MYO10: variants seen among roughly 807,000 people sequenced by gnomAD.
MYO10 encodes the protein unconventional myosin-X.
In MYO10, 133 loss-of-function variants were observed where a neutral mutation model predicts 257.3. That is an observed-to-expected ratio of 0.52 (90% CI 0.45 to 0.60). The LOEUF (loss-of-function observed/expected upper bound fraction) is 0.60, where lower values mean the gene tolerates loss of function less well. Among genes scored for constraint, MYO10 ranks in the 20% least tolerant of loss-of-function variants. MYO10 has a pLI of 0.00. For missense variants in MYO10, 2,399 were observed against 2,635.7 expected (o/e 0.91, Z 1.97); for synonymous variants, 1,104 against 1,028.6 (o/e 1.07, Z -1.40).
At chr5:16,741,786 A>G in intron 19 of MYO10, 1 of 984,614 alleles carries the variant, frequency 1.0e-6, no homozygotes, top group Non-Finnish European at 1.2e-6. Flanking sequence ...GCAGAACAAG[A>G]AAGAGAAAAA....
At chr5:16,714,680 G>A (rs1442812382) in intron 19 of MYO10, among the ~76,000 whole-genome samples, 3 of 152,124 alleles carry the variant, frequency 2.0e-5, no homozygotes, top group East Asian at 1.9e-4. Flanking sequence ...AAAATTAGCC[G>A]GGCGTGGTGG....
intron 19 of MYO10, chr5:16,713,548 C>A: frequency 1.1e-6 from 1 of 939,386 alleles, no homozygotes; most frequent in Non-Finnish European, 1.3e-6. Context: ...TTGACACAGC[C>A]AGGGGAGGGG....
In MYO10 at chr5:16,721,543, G is replaced by T. The variant is rs560206774; in HGVS notation, c.1930-10298C>A. On this transcript the variant is annotated intron_variant, in intron 19 of 40. Coordinates refer to ENST00000513610, the MANE Select transcript of MYO10 (RefSeq NM_012334.3). ...AAGAGGCAGAAACTAATTTCCCCTA[G>T]AGAAGAGGCAACCCCCGCAGGTGAG... is the stretch of plus-strand genomic sequence containing the variant. 7.2e-5 allele frequency among the ~76,000 whole-genome samples: 11 copies of T among 152,234 alleles called. No individual in the cohort carries two copies. In the East Asian group the frequency reaches 2.1e-3, roughly 29 times the overall value.
At chr5:16,725,341 G>A (rs563618486) in intron 19 of MYO10, among the ~76,000 whole-genome samples, 69 of 151,788 alleles carry the variant, frequency 4.5e-4, no homozygotes, top group African/African-American at 1.6e-3. Flanking sequence ...TGATCTGCCT[G>A]CCTCGCCCTC....
At chr5:16,738,111 A>G in intron 19 of MYO10, 2 of 983,832 alleles carry the variant, frequency 2.0e-6, no homozygotes, top group South Asian at 9.4e-5. Context: ...TTTGAGGTGG[A>G]AATACACAGG....
At chr5:16,835,278 G>A (rs1010115211) in intron 2 of MYO10, among the ~76,000 whole-genome samples, 2 of 151,970 alleles carry the variant, frequency 1.3e-5, no homozygotes, top group African/African-American at 4.8e-5. Context: ...GCTCATGCCT[G>A]TAATCCCAGC....
chr5:16,854,573 A>G (rs1417523320), intron 2 of MYO10, among the ~76,000 whole-genome samples: 1 of 148,590 alleles, frequency 6.7e-6, no homozygotes, highest in Admixed American at 6.7e-5. Flanking sequence ...TGGGAATGAC[A>G]GCTCAGGGTT....
At chr5:16,690,941 G>C (rs1338289905) in intron 27 of MYO10, among the ~76,000 whole-genome samples, 2 of 152,052 alleles carry the variant, frequency 1.3e-5, no homozygotes, top group Non-Finnish European at 2.9e-5. Flanking sequence ...GAAGGGTTTG[G>C]GGCATAAAGC....
At chr5:16,719,516 C>T (rs995163747) in intron 19 of MYO10, among the ~76,000 whole-genome samples, 2 of 152,176 alleles carry the variant, frequency 1.3e-5, no homozygotes, top group African/African-American at 4.8e-5. Context: ...TGTGACAACT[C>T]CTTGGGTGCT....
At chr5:16,934,877 G>A (rs1007165467) in intron 1 of MYO10, among the ~76,000 whole-genome samples, 1 of 152,192 alleles carries the variant, frequency 6.6e-6, no homozygotes, top group Non-Finnish European at 1.5e-5. Flanking sequence ...ACTCCAAAGC[G>A]GTTCTGCACT....
At chr5:16,812,925 TA>T (rs1265924054) in intron 3 of MYO10, among the ~76,000 whole-genome samples, 4 of 133,358 alleles carry the variant, frequency 3.0e-5, no homozygotes, top group Non-Finnish European at 6.1e-5. Flanking sequence ...TGGGTGCTTT[TA>T]TTTTTTTTTT....
At chr5:16,684,891 C>T (rs938514558) in intron 29 of MYO10, among the ~76,000 whole-genome samples, 1 of 151,930 alleles carries the variant, frequency 6.6e-6, no homozygotes, top group Non-Finnish European at 1.5e-5. Context: ...TACTAAAATA[C>T]AAAAAATTAG....
At chr5:16,670,393 T>G (rs1736389624) in intron 39 of MYO10, 133 bp downstream of exon 39, 7 of 691,078 alleles carry the variant, frequency 1.0e-5, no homozygotes, top group Non-Finnish European at 1.7e-5. Flanking sequence ...GGTACAATTC[T>G]GGGGGCTCGA....
rs773579008 is a variant in MYO10 at position 16,694,664 on chromosome 5, G to T, written c.3557-50C>A. The T allele has an allele frequency of 2.1e-5, 33 of 1,602,852 alleles. No individual in the cohort carries two copies. The East Asian group carries it at 6.7e-4, about 33-fold the overall frequency. ...GAGGGGTGAAAGAAAAGTCAGTCAA[G>T]TTGGATGACAACAACATGCATAGCA... On this transcript the variant is annotated intron_variant, in intron 26 of 40. Coordinates refer to ENST00000513610, the MANE Select transcript of MYO10 (RefSeq NM_012334.3).
chr5:16,675,334 CTG>C (rs1472989068), intron 34 of MYO10, among the ~76,000 whole-genome samples, 184 bp from the exon 35 acceptor site: 2 of 152,192 alleles, frequency 1.3e-5, no homozygotes, highest in Admixed American at 6.5e-5. Flanking sequence ...TAAGTTGACA[CTG>C]TTTTGTTATC....
At chr5:16,777,579 C>T (rs1741257205) in intron 9 of MYO10, among the ~76,000 whole-genome samples, 1 of 152,110 alleles carries the variant, frequency 6.6e-6, no homozygotes, top group African/African-American at 2.4e-5. Context: ...ATTACTGCAT[C>T]GCGGTTTAGA....
chr5:16,860,052 G>A (rs1744065247), intron 2 of MYO10, among the ~76,000 whole-genome samples: 1 of 152,216 alleles, frequency 6.6e-6, no homozygotes, highest in Admixed American at 6.5e-5. Flanking sequence ...TCAGGAAGCT[G>A]CTTTATCAGT....
chr5:16,806,443 G>A (rs1303035892), intron 3 of MYO10, among the ~76,000 whole-genome samples: 3 of 151,538 alleles, frequency 2.0e-5, no homozygotes, highest in Admixed American at 1.3e-4. Context: ...TCAGGAGATC[G>A]AGACCACGTT....
chr5:16,668,065 C>T (rs1736258806), intron 40 of MYO10, among the ~76,000 whole-genome samples: 2 of 152,162 alleles, frequency 1.3e-5, no homozygotes, highest in African/African-American at 4.8e-5. Context: ...CCAGATTCCT[C>T]TGTTGCAAAA....
Sources: gnomAD v4.1 joint callset for allele counts (sites outside exome capture counted in the v4.1 genomes callset) on GRCh38, gnomAD v4.1.1 for gene constraint, MANE v1.5 for transcripts, NCBI Gene and HGNC (gene_info 2026-07-23, HGNC 2026-07-21) for gene names.